Variants in FOXP2 observed in about 807,000 individuals in gnomAD.
FOXP2 encodes the protein forkhead box P2.
A neutral mutation model predicts 115.8 loss-of-function variants in FOXP2; 12 were observed. The ratio of observed to expected loss-of-function variants is 0.10; its 90% CI spans 0.07 to 0.17. The LOEUF (loss-of-function observed/expected upper bound fraction) is 0.17, where lower values mean the gene tolerates loss of function less well. Among genes scored for constraint, FOXP2 ranks in the 10% least tolerant of loss-of-function variants. The probability of loss-of-function intolerance (pLI) is 1.00; values close to 1 mark genes in which losing one functional copy is unlikely to be tolerated. For missense variants in FOXP2, 629 were observed against 843.5 expected, an observed-to-expected ratio of 0.75 and a Z score of 3.15; for synonymous variants, 328 against 297.7, an observed-to-expected ratio of 1.10 and a Z score of -1.05.
At chr7:114,651,574 C>T (rs2129337483) in intron 8 of FOXP2, among the ~76,000 whole-genome samples, 1 of 152,084 alleles carries the variant, frequency 6.6e-6, no homozygotes, top group Non-Finnish European at 1.5e-5. Flanking sequence ...TTATTTTTCA[C>T]CATTTTAAAA....
chr7:114,507,189 A>G (rs1396378495), intron 2 of FOXP2, among the ~76,000 whole-genome samples: 2 of 151,696 alleles, frequency 1.3e-5, no homozygotes, highest in African/African-American at 2.4e-5. Context: ...AAACTTTCGT[A>G]TCAATAACTA....
chr7:114,419,209 A>G (rs1373942597), intron 1 of FOXP2, among the ~76,000 whole-genome samples: 1 of 151,970 alleles, frequency 6.6e-6, no homozygotes, highest in African/African-American at 2.4e-5. Flanking sequence ...TATTAAATAT[A>G]TACTTTATGA....
intron 2 of FOXP2, among the ~76,000 whole-genome samples, chr7:114,339,941 A>C (rs1015504009): frequency 6.6e-6 from 1 of 151,178 alleles, no homozygotes; most frequent in Non-Finnish European, 1.5e-5. Flanking sequence ...ATGTTTCTGC[A>C]GTAGTTTGCT....
intron 1 of FOXP2, among the ~76,000 whole-genome samples, chr7:114,213,760 T>C (rs1794416551): frequency 6.6e-6 from 1 of 152,128 alleles, no homozygotes. Context: ...CTACATATAA[T>C]AGTATAAAAA....
intron 2 of FOXP2, among the ~76,000 whole-genome samples, chr7:114,369,800 T>A (rs1791961199): frequency 6.6e-6 from 1 of 152,192 alleles, no homozygotes; most frequent in Non-Finnish European, 1.5e-5. Flanking sequence ...ATATTCATTT[T>A]ATTATATGCT....
At chr7:114,527,760 C>T (rs900398524) in intron 2 of FOXP2, among the ~76,000 whole-genome samples, 5 of 152,098 alleles carry the variant, frequency 3.3e-5, no homozygotes, top group African/African-American at 1.2e-4. Flanking sequence ...TTTCTTTTGA[C>T]TTACAATTTT....
intron 1 of FOXP2, among the ~76,000 whole-genome samples, chr7:114,143,489 C>G (rs183922168): frequency 1.2e-4 from 19 of 152,040 alleles, no homozygotes; most frequent in African/African-American, 4.6e-4. Flanking sequence ...ATTGGTATGA[C>G]AATAGTTTAT....
At chr7:114,501,604 C>A (rs998396904) in intron 2 of FOXP2, among the ~76,000 whole-genome samples, 1 of 151,974 alleles carries the variant, frequency 6.6e-6, no homozygotes, top group African/African-American at 2.4e-5. Context: ...AGGTGTGCAA[C>A]CTTGAAGCTG....
At chr7:114,250,516 T>C (rs1413025984) in intron 1 of FOXP2, among the ~76,000 whole-genome samples, 1 of 152,208 alleles carries the variant, frequency 6.6e-6, no homozygotes, top group African/African-American at 2.4e-5. Flanking sequence ...TATCTCATTG[T>C]GGTTTTGATC....
At chr7:114,412,473 T>G (rs1255665092), upstream of FOXP2, among the ~76,000 whole-genome samples, 1 of 152,162 alleles carries the variant, frequency 6.6e-6, no homozygotes, top group East Asian at 1.9e-4. Flanking sequence ...TATACACTTC[T>G]TCCTAATACA....
At chr7:114,352,286 GA>G (rs1305637573) in intron 2 of FOXP2, among the ~76,000 whole-genome samples, 2 of 151,708 alleles carry the variant, frequency 1.3e-5, no homozygotes, top group African/African-American at 2.4e-5. Context: ...AAGAAAGAAA[GA>G]AAAAGAAAAA....
intron 2 of FOXP2, among the ~76,000 whole-genome samples, chr7:114,485,220 G>C (rs1036033148): frequency 6.6e-6 from 1 of 151,832 alleles, no homozygotes. Flanking sequence ...TAATGTTTTA[G>C]AAAATTTTTT....
chr7:114,383,110 T>C (rs182298033), intron 2 of FOXP2, among the ~76,000 whole-genome samples: 12 of 152,332 alleles, frequency 7.9e-5, no homozygotes, highest in African/African-American at 2.2e-4. Context: ...GTTGCAGTTA[T>C]GGCGGCACTT....
intron 3 of FOXP2, among the ~76,000 whole-genome samples, chr7:114,557,889 A>G: frequency 6.6e-6 from 1 of 151,816 alleles, no homozygotes; most frequent in East Asian, 1.9e-4. Flanking sequence ...AGCTCACTGT[A>G]ACCTCTGCCT....
intron 1 of FOXP2, among the ~76,000 whole-genome samples, chr7:114,181,794 T>A (rs1781379421): frequency 6.6e-6 from 1 of 152,096 alleles, no homozygotes; most frequent in Non-Finnish European, 1.5e-5. Context: ...TTTAATGGGA[T>A]AAATGATAAG....
chr7:114,549,104 A>G (rs1800075339), intron 3 of FOXP2, among the ~76,000 whole-genome samples: 1 of 152,188 alleles, frequency 6.6e-6, no homozygotes, highest in South Asian at 2.1e-4. Context: ...GGTACCTAGA[A>G]GAAGGTTCAA....
At chr7:114,215,807 T>C (rs1482624207) in intron 1 of FOXP2, among the ~76,000 whole-genome samples, 1 of 152,200 alleles carries the variant, frequency 6.6e-6, no homozygotes, top group Non-Finnish European at 1.5e-5. Context: ...ATCAGACCAC[T>C]CTGATAAAAT....
chr7:114,133,112 A>T (rs955090092), intron 1 of FOXP2, among the ~76,000 whole-genome samples: 4 of 152,220 alleles, frequency 2.6e-5, no homozygotes, highest in African/African-American at 9.6e-5. Flanking sequence ...AGGTGATCAA[A>T]TTGTGTGTAC....
At chr7:114,159,991 CCTGT>C (rs954088244), upstream of FOXP2, among the ~76,000 whole-genome samples, 2 of 152,116 alleles carry the variant, frequency 1.3e-5, no homozygotes, top group Admixed American at 6.6e-5. Context: ...TCCAGCAAGG[CCTGT>C]CTGTCTAGAT....
Sources: allele counts gnomAD v4.1 joint callset (sites outside exome capture counted in the v4.1 genomes callset), GRCh38; gene constraint gnomAD v4.1.1; transcripts MANE v1.5; gene names NCBI Gene and HGNC (gene_info 2026-07-23, HGNC 2026-07-21).